Variants in PCSK5 observed in about 807,000 individuals in gnomAD.
The protein encoded by PCSK5 is proprotein convertase subtilisin/kexin type 5, also known as prohormone convertase 5.
A neutral mutation model predicts 233.2 loss-of-function variants in PCSK5; 129 were observed. The observed-to-expected ratio is 0.55, with a 90% CI of 0.48 to 0.64. The LOEUF is 0.64. Ranked by LOEUF, PCSK5 falls within the 30% of genes least tolerant of loss-of-function variation. The pLI, the probability that PCSK5 is intolerant of heterozygous loss-of-function variation, is 0.00. For missense variants in PCSK5, 2,076 were observed against 2,430.1 expected (o/e 0.85, Z 3.06); for synonymous variants, 825 against 879.2 (o/e 0.94, Z 1.09).
chr9:76,228,063 G>A (rs553242034), intron 21 of PCSK5, among the ~76,000 whole-genome samples: 91 of 151,428 alleles, frequency 6.0e-4, no homozygotes, highest in African/African-American at 2.0e-3. Context: ...TCCGCCTCCC[G>A]GGTTCAAGCA....
At chr9:76,137,486 T>C (rs1485251083) in intron 10 of PCSK5, among the ~76,000 whole-genome samples, 1 of 152,144 alleles carries the variant, frequency 6.6e-6, no homozygotes, top group East Asian at 1.9e-4. Context: ...AATCTCATAG[T>C]ATAATTAAAA....
chr9:76,327,121 T>TC (rs1829386475), intron 32 of PCSK5, among the ~76,000 whole-genome samples: 1 of 143,426 alleles, frequency 7.0e-6, no homozygotes, highest in Non-Finnish European at 1.6e-5. Flanking sequence ...TTTTTTTTTT[T>TC]CCTGAGACAG....
chr9:75,976,114 T>C (rs1312124829), intron 2 of PCSK5, among the ~76,000 whole-genome samples: 6 of 152,162 alleles, frequency 3.9e-5, no homozygotes. Context: ...AAATGAGATG[T>C]CCTAAAGTTT....
At chr9:75,990,343 G>A (rs1826715489) in intron 3 of PCSK5, among the ~76,000 whole-genome samples, 1 of 152,172 alleles carries the variant, frequency 6.6e-6, no homozygotes, top group South Asian at 2.1e-4. Context: ...TAATTTACAA[G>A]CTTTTCCCAT....
intron 2 of PCSK5, among the ~76,000 whole-genome samples, chr9:75,949,585 T>G (rs1824746566): frequency 6.6e-6 from 1 of 152,108 alleles, no homozygotes; most frequent in Non-Finnish European, 1.5e-5. Context: ...TGGAGTGCAG[T>G]GGCACAATCT....
chr9:76,130,935 C>T (rs1822740718), intron 9 of PCSK5, among the ~76,000 whole-genome samples: 1 of 152,094 alleles, frequency 6.6e-6, no homozygotes, highest in African/African-American at 2.4e-5. Context: ...TCAATAGTTG[C>T]TTGCTTCAAA....
intron 7 of PCSK5, among the ~76,000 whole-genome samples, chr9:76,095,461 T>A (rs1042970643): frequency 7.9e-5 from 12 of 152,188 alleles, no homozygotes; most frequent in African/African-American, 2.9e-4. Context: ...GGGTTCAAAT[T>A]TTGGCCCTAC....
chr9:76,088,807 A>G (rs989126787), intron 7 of PCSK5, among the ~76,000 whole-genome samples: 3 of 152,194 alleles, frequency 2.0e-5, no homozygotes, highest in Non-Finnish European at 4.4e-5. Context: ...TGTTATCAAA[A>G]AGTTATTTAA....
Position 76,351,698 on chromosome 9 carries a change from G to GAGATTCATTTGCC in PCSK5, c.5067+771_5067+772insGATTCATTTGCCA, listed in dbSNP as rs1554724886. 1.9e-4 allele frequency among the ~76,000 whole-genome samples: 26 copies of GAGATTCATTTGCC among 139,980 alleles called. 1 individual carries two copies. The East Asian group carries it at 4.9e-3, about 26-fold the overall frequency. 91.8% of individuals were successfully genotyped at this position (139,980 alleles called of 152,430 possible). The stretch of plus-strand genomic sequence containing the variant: ...AAGAAAGAGGTAGGGAGGGAGGAAG[G>GAGATTCATTTGCC]AAGGAGATTCATTTGCCATGGATTT... On this transcript the variant is annotated intron_variant, in intron 36 of 37. Transcript: ENST00000674117.
At chr9:76,309,961 T>C (rs548759085) in intron 29 of PCSK5, among the ~76,000 whole-genome samples, 20 of 152,142 alleles carry the variant, frequency 1.3e-4, no homozygotes, top group African/African-American at 4.3e-4. Flanking sequence ...GAGAGTTGGG[T>C]GGAAGAGTTG....
At chr9:76,046,155 C>CTTTTTTTTTTTTT (rs1829362984) in intron 5 of PCSK5, among the ~76,000 whole-genome samples, 5 of 55,702 alleles carry the variant, frequency 9.0e-5, no homozygotes, top group Non-Finnish European at 1.3e-4. Flanking sequence ...ATAATTTTTT[C>CTTTTTTTTTTTTT]TTTTGTTTTT....
chr9:76,296,403 C>T lies in PCSK5; in HGVS notation c.3323-262C>T, dbSNP rs73464550. On this transcript the variant is annotated intron_variant, in intron 26 of 37. Transcript: ENST00000674117. ...CTCTACTAAAAATATATAAGCCGTGCGTGGTGACACATACCTGTAGTCCCG... is the reference window on the plus strand; with the variant it reads ...CTCTACTAAAAATATATAAGCCGTGTGTGGTGACACATACCTGTAGTCCCG... Among the ~76,000 whole-genome samples the T allele has an allele frequency of 6.6e-5, 10 of 152,222 alleles. No individual in the cohort carries two copies. In the South Asian group the frequency reaches 1.2e-3, roughly 19 times the overall value.
At chr9:75,922,630 T>C (rs1823303788) in intron 1 of PCSK5, among the ~76,000 whole-genome samples, 2 of 152,106 alleles carry the variant, frequency 1.3e-5, no homozygotes. Context: ...TTTTAACAAA[T>C]GGGCTGCCCA....
intron 7 of PCSK5, among the ~76,000 whole-genome samples, chr9:76,089,390 G>A (rs1271394896): frequency 6.6e-6 from 1 of 152,158 alleles, no homozygotes; most frequent in Admixed American, 6.5e-5. Context: ...AGATCCAGAG[G>A]TTCTGATCAG....
intron 5 of PCSK5, among the ~76,000 whole-genome samples, chr9:76,040,765 T>C (rs1172320482): frequency 6.6e-6 from 1 of 152,220 alleles, no homozygotes; most frequent in Non-Finnish European, 1.5e-5. Flanking sequence ...GTTTAATTCA[T>C]GGAAACAATT....
chr9:76,105,554 C>T (rs544929792), intron 8 of PCSK5, among the ~76,000 whole-genome samples: 31 of 152,152 alleles, frequency 2.0e-4, no homozygotes, highest in African/African-American at 7.2e-4. Flanking sequence ...TAAAAAAATA[C>T]CTGTTTAAAC....
Position 76,359,836 on chromosome 9 carries a change from T to A in PCSK5, c.*914T>A, listed in dbSNP as rs1287199255. ...AGAGCTTTCCTTCATCAACAACCCA[T>A]CACAAAACCGTGGACTCTCAATAGA... On this transcript the variant is annotated 3_prime_UTR_variant, in exon 38 of 38. Transcript: ENST00000674117. 3 of 151,590 alleles carry A rather than the reference T, an allele frequency of 2.0e-5. No homozygotes were observed. The East Asian group carries it at 5.8e-4, about 29-fold the overall frequency. 9.4% of individuals were successfully genotyped at this position (151,590 alleles called of 1,614,324 possible). A position where few individuals can be genotyped will look rare whatever the true frequency, so the allele number is the denominator to read the frequency against.
intron 3 of PCSK5, among the ~76,000 whole-genome samples, chr9:76,017,790 A>G (rs778543073): frequency 6.6e-6 from 1 of 152,140 alleles, no homozygotes; most frequent in African/African-American, 2.4e-5. Flanking sequence ...AAGTCCATCA[A>G]ATTGACTCAT....
intron 9 of PCSK5, among the ~76,000 whole-genome samples, chr9:76,131,865 A>G (rs10746992): frequency 0.49 from 74,242 of 151,816 alleles, 18,421 homozygotes; most frequent in Admixed American, 0.53. Context: ...TTAAAACGTG[A>G]AAGTTCTGTG....
Sources: allele counts gnomAD v4.1 joint callset (sites outside exome capture counted in the v4.1 genomes callset), GRCh38; gene constraint gnomAD v4.1.1; transcripts MANE v1.5; gene names NCBI Gene and HGNC (gene_info 2026-07-23, HGNC 2026-07-21).